Variants in NRG1 observed in about 807,000 individuals in gnomAD.
NRG1 encodes neuregulin 1, also known as pro-neuregulin-1, membrane-bound isoform.
Under a neutral mutation model 63.8 loss-of-function variants are expected in NRG1, and 18 were observed. The observed-to-expected ratio is 0.28, with a 90% CI of 0.19 to 0.42. The LOEUF (loss-of-function observed/expected upper bound fraction) is 0.42. Among genes scored for constraint, NRG1 ranks in the 10% least tolerant of loss-of-function variants. The pLI is 1.00. For synonymous variants in NRG1, 302 were observed against 301.3 expected, an observed-to-expected ratio of 1.00 and a Z score of -0.02; for missense variants, 762 against 814.7, an observed-to-expected ratio of 0.94 and a Z score of 0.79.
intron 5 of NRG1, among the ~76,000 whole-genome samples, chr8:32,631,684 T>C (rs1850341626): frequency 6.6e-6 from 1 of 152,214 alleles, no homozygotes; most frequent in African/African-American, 2.4e-5. Context: ...GCTAATGGAA[T>C]GCTTATGGTA....
chr8:32,651,726 A>G (rs931648804), intron 5 of NRG1, among the ~76,000 whole-genome samples: 1 of 152,160 alleles, frequency 6.6e-6, no homozygotes, highest in African/African-American at 2.4e-5. Flanking sequence ...ACCATTTGCA[A>G]AAGATCAACA....
chr8:32,149,682 G>A (rs1024123223), intron 1 of NRG1, among the ~76,000 whole-genome samples: 11 of 152,138 alleles, frequency 7.2e-5, no homozygotes, highest in Non-Finnish European at 1.5e-4. Context: ...AGAAAAAGGC[G>A]GAAGAATGAG....
chr8:32,153,578 T>G (rs1250460460), intron 1 of NRG1, among the ~76,000 whole-genome samples: 1 of 152,182 alleles, frequency 6.6e-6, no homozygotes, highest in Non-Finnish European at 1.5e-5. Flanking sequence ...AGAAAATTAG[T>G]CTATGGCCAT....
At chr8:31,753,128 A>T (rs1477852857) in intron 1 of NRG1, among the ~76,000 whole-genome samples, 1 of 152,036 alleles carries the variant, frequency 6.6e-6, no homozygotes, top group Non-Finnish European at 1.5e-5. Flanking sequence ...CTATGATATA[A>T]GGCTGATTAG....
chr8:32,091,878 C>A (rs1829209999), intron 1 of NRG1, among the ~76,000 whole-genome samples: 2 of 152,050 alleles, frequency 1.3e-5, no homozygotes, highest in Admixed American at 6.6e-5. Flanking sequence ...ATGATGAGAG[C>A]TTATTGTAGG....
intron 1 of NRG1, among the ~76,000 whole-genome samples, chr8:32,206,469 G>A (rs1324111209): frequency 6.6e-6 from 1 of 152,118 alleles, no homozygotes; most frequent in Non-Finnish European, 1.5e-5. Context: ...TTTGTTTAAA[G>A]GCTTTACTTT....
At chr8:32,542,842 C>T (rs1023084356) in intron 1 of NRG1, among the ~76,000 whole-genome samples, 1 of 152,138 alleles carries the variant, frequency 6.6e-6, no homozygotes, top group African/African-American at 2.4e-5. Context: ...AGGTGGAAAG[C>T]TTTATTACAG....
At chr8:32,428,023 G>C (rs1258212381) in intron 1 of NRG1, among the ~76,000 whole-genome samples, 1 of 152,216 alleles carries the variant, frequency 6.6e-6, no homozygotes, top group Non-Finnish European at 1.5e-5. Context: ...GTGTTGGCCA[G>C]CGTTGACTGG....
At chr8:31,910,331 G>A (rs1017351424) in intron 1 of NRG1, among the ~76,000 whole-genome samples, 2 of 152,190 alleles carry the variant, frequency 1.3e-5, no homozygotes, top group African/African-American at 4.8e-5. Context: ...ACAGAGGCGG[G>A]ATCTAGAATA....
rs530293278 is a variant in NRG1, at chr8:32,564,943, A to T, written c.100+16117A>T. 8.4e-4 allele frequency among the ~76,000 whole-genome samples: 128 copies of T among 152,082 alleles called. 1 individual carries two copies. Among genetic ancestry groups the T allele is most frequent in the Admixed American group, 2.0e-3 (30 of 15,272 alleles). On this transcript the variant is annotated intron_variant, in intron 1 of 11. Coordinates refer to ENST00000356819, the Ensembl canonical transcript of NRG1. ...AAGTTAGCCAGTTATAATGGTGCACATGTGTAGTACCAGCTACTTGGGAGG... is the reference window on the plus strand; with the variant it reads ...AAGTTAGCCAGTTATAATGGTGCACTTGTGTAGTACCAGCTACTTGGGAGG...
chr8:32,032,782 G>A (rs1252344044), intron 1 of NRG1, among the ~76,000 whole-genome samples: 4 of 152,126 alleles, frequency 2.6e-5, no homozygotes, highest in Non-Finnish European at 4.4e-5. Flanking sequence ...AGTTTAATTA[G>A]ATCTCATTTT....
chr8:32,446,066 A>T (rs1394333577), intron 1 of NRG1, among the ~76,000 whole-genome samples: 1 of 152,192 alleles, frequency 6.6e-6, no homozygotes, highest in African/African-American at 2.4e-5. Flanking sequence ...TCTGGACTAA[A>T]CCTCAGTTTA....
intron 1 of NRG1, among the ~76,000 whole-genome samples, chr8:31,743,652 AAAC>A (rs1325240657): frequency 1.3e-5 from 2 of 151,952 alleles, no homozygotes; most frequent in Non-Finnish European, 2.9e-5. Flanking sequence ...TTTTTCTTGT[AAAC>A]AACAATTTAT....
intron 11 of NRG1, chr8:32,763,102 A>G (rs1200415062): frequency 1.2e-5 from 13 of 1,070,038 alleles, no homozygotes; most frequent in Non-Finnish European, 1.8e-5. Context: ...TGGGATGGAT[A>G]GTTCCAAATT....
At chr8:32,560,547 G>C (rs542483412) in intron 1 of NRG1, among the ~76,000 whole-genome samples, 5 of 152,112 alleles carry the variant, frequency 3.3e-5, no homozygotes, top group Admixed American at 6.5e-5. Flanking sequence ...GGAGTTGATG[G>C]GTAGCAGTTT....
At chr8:31,874,996 G>T (rs1043941773) in intron 1 of NRG1, among the ~76,000 whole-genome samples, 1 of 152,128 alleles carries the variant, frequency 6.6e-6, no homozygotes, top group African/African-American at 2.4e-5. Flanking sequence ...AAATGACAAG[G>T]TTATCCCAGA....
chr8:32,605,763 GGT>G (rs2129539539), intron 3 of NRG1, 80 bp downstream of exon 3: 2 of 1,472,082 alleles, frequency 1.4e-6, no homozygotes, highest in African/African-American at 2.8e-5. Flanking sequence ...ATAATAGACT[GGT>G]GTGTTAAATC....
intron 1 of NRG1, among the ~76,000 whole-genome samples, chr8:32,114,831 A>G (rs2131490855): frequency 6.6e-6 from 1 of 152,290 alleles, no homozygotes; most frequent in East Asian, 1.9e-4. Context: ...GGGCTCACTC[A>G]TACTGGTGCT....
intron 1 of NRG1, among the ~76,000 whole-genome samples, chr8:32,524,046 A>T (rs1210778406): frequency 6.7e-6 from 1 of 148,334 alleles, no homozygotes; most frequent in Non-Finnish European, 1.5e-5. Flanking sequence ...CAGCACTTTG[A>T]GAGGCTGAGG....
Sources: gnomAD v4.1 joint callset for allele counts (sites outside exome capture counted in the v4.1 genomes callset) on GRCh38, gnomAD v4.1.1 for gene constraint, MANE v1.5 for transcripts, NCBI Gene and HGNC (gene_info 2026-07-23, HGNC 2026-07-21) for gene names.